NRXN3: variants seen among roughly 807,000 people sequenced by gnomAD.
The protein encoded by NRXN3 is neurexin 3.
A neutral mutation model predicts 137.6 loss-of-function variants in NRXN3; 32 were observed. That is an observed-to-expected ratio of 0.23 (90% CI 0.18 to 0.31). NRXN3 has a LOEUF of 0.31. Ranked by LOEUF, NRXN3 falls within the 10% of genes least tolerant of loss-of-function variation. The pLI, the probability that NRXN3 is intolerant of heterozygous loss-of-function variation, is 1.00. For synonymous variants in NRXN3, 798 were observed against 784.5 expected, an observed-to-expected ratio of 1.02 and a Z score of -0.29; for missense variants, 1,574 against 2,062.5, an observed-to-expected ratio of 0.76 and a Z score of 4.59.
At chr14:78,358,910 C>T (rs528299973) in intron 4 of NRXN3, among the ~76,000 whole-genome samples, 4 of 152,220 alleles carry the variant, frequency 2.6e-5, no homozygotes, top group East Asian at 1.9e-4. Context: ...GAAGGGGCCT[C>T]GCAGGAATTT....
intron 16 of NRXN3, among the ~76,000 whole-genome samples, chr14:79,584,783 T>C (rs561064644): frequency 1.4e-3 from 208 of 152,154 alleles, no homozygotes; most frequent in African/African-American, 4.8e-3. Flanking sequence ...CTCACTGAGA[T>C]TGTGCACAGC....
chr14:78,837,558 C>A (rs1358446016), intron 10 of NRXN3, among the ~76,000 whole-genome samples: 2 of 150,624 alleles, frequency 1.3e-5, no homozygotes, highest in Non-Finnish European at 3.0e-5. Flanking sequence ...TGGTACTTTT[C>A]TCTGATCCTT....
At chr14:79,553,798 C>T (rs757692596) in intron 16 of NRXN3, among the ~76,000 whole-genome samples, 1 of 152,120 alleles carries the variant, frequency 6.6e-6, no homozygotes, top group Non-Finnish European at 1.5e-5. Context: ...CATTGGTTAG[C>T]CCCCTAGACT....
At chr14:78,572,612 G>T (rs2096900234) in intron 4 of NRXN3, among the ~76,000 whole-genome samples, 1 of 152,124 alleles carries the variant, frequency 6.6e-6, no homozygotes, top group South Asian at 2.1e-4. Flanking sequence ...ATTGTCTTAG[G>T]CCACACATAT....
At chr14:79,170,588 A>G (rs1182198617) in intron 15 of NRXN3, among the ~76,000 whole-genome samples, 1 of 152,104 alleles carries the variant, frequency 6.6e-6, no homozygotes, top group Non-Finnish European at 1.5e-5. Context: ...CGTGGGCAAA[A>G]GTACAGGGAA....
intron 15 of NRXN3, among the ~76,000 whole-genome samples, chr14:79,449,430 G>C (rs2096126267): frequency 6.7e-6 from 1 of 150,182 alleles, no homozygotes; most frequent in Non-Finnish European, 1.5e-5. Flanking sequence ...ATAGGATCTG[G>C]AAAAAAAAAT....
chr14:79,510,230 T>C (rs533863648), intron 16 of NRXN3, among the ~76,000 whole-genome samples: 20 of 152,316 alleles, frequency 1.3e-4, no homozygotes, highest in Admixed American at 5.9e-4. Context: ...CTAGGGGTTC[T>C]CGGGATTCGT....
chr14:78,824,103 CTTTTTTTTTTT>C (rs11387026), intron 10 of NRXN3, among the ~76,000 whole-genome samples: 33 of 98,928 alleles, frequency 3.3e-4, no homozygotes, highest in Admixed American at 4.8e-4. Context: ...TCACCTGCTT[CTTTTTTTTTTT>C]TTTTTTTTTT....
intron 4 of NRXN3, among the ~76,000 whole-genome samples, chr14:78,639,130 C>A (rs72683569): frequency 0.059 from 8,996 of 152,256 alleles, 346 homozygotes; most frequent in Admixed American, 0.12. Flanking sequence ...GGCCACAAGA[C>A]CACAGGCCAT....
intron 10 of NRXN3, among the ~76,000 whole-genome samples, chr14:78,906,735 CTGTT>C (rs2099218109): frequency 6.6e-6 from 1 of 152,010 alleles, no homozygotes; most frequent in Admixed American, 6.6e-5. Flanking sequence ...TTCATTTTCT[CTGTT>C]TGGTTTCTTC....
chr14:78,285,649 C>T (rs1260295427), intron 3 of NRXN3, among the ~76,000 whole-genome samples: 1 of 152,196 alleles, frequency 6.6e-6, no homozygotes, highest in Non-Finnish European at 1.5e-5. Flanking sequence ...ACATTGCAGG[C>T]ACAGAAAAAC....
intron 1 of NRXN3, among the ~76,000 whole-genome samples, chr14:78,198,813 T>C (rs973105393): frequency 1.3e-5 from 2 of 152,238 alleles, no homozygotes; most frequent in African/African-American, 4.8e-5. Context: ...TTTTGAGTTG[T>C]GTTTCCTTCC....
At chr14:79,322,565 T>G (rs2090204638) in intron 15 of NRXN3, among the ~76,000 whole-genome samples, 1 of 152,212 alleles carries the variant, frequency 6.6e-6, no homozygotes. Context: ...TAAAGTATAT[T>G]CAATTAATTT....
In NRXN3 at chr14:78,584,701, C is replaced by T. The variant is rs116885971; in HGVS notation, c.758-60419C>T. Among the ~76,000 whole-genome samples the T allele has an allele frequency of 6.3e-3, 962 of 152,336 alleles. 11 individuals carry two copies. Among genetic ancestry groups the T allele is most frequent in the Middle Eastern group, 0.044 (13 of 294 alleles). On this transcript the variant is annotated intron_variant, in intron 4 of 20. Coordinates refer to ENST00000335750, the MANE Select transcript of NRXN3 (RefSeq NM_001330195.2). ...AATAACTTTGTAACATAACCTCCTT[C>T]TCCTTAGAAACAATTATTGGAGGAA...
At chr14:78,919,258 A>G (rs1433299183) in intron 10 of NRXN3, among the ~76,000 whole-genome samples, 1 of 152,210 alleles carries the variant, frequency 6.6e-6, no homozygotes, top group East Asian at 1.9e-4. Flanking sequence ...TAATTACCTG[A>G]GTATGGTGTT....
chr14:78,759,496 C>G (rs368838657), intron 8 of NRXN3, among the ~76,000 whole-genome samples: 1 of 152,104 alleles, frequency 6.6e-6, no homozygotes, highest in Non-Finnish European at 1.5e-5. Flanking sequence ...ATAAATATAT[C>G]GCTGAGTTCT....
At chr14:79,459,509 G>A (rs1471640140) in intron 15 of NRXN3, among the ~76,000 whole-genome samples, 1 of 152,004 alleles carries the variant, frequency 6.6e-6, no homozygotes, top group Non-Finnish European at 1.5e-5. Flanking sequence ...CAATAGAGAA[G>A]CTGTAGAAAA....
chr14:78,185,164 T>C (rs2060131610), intron 1 of NRXN3, among the ~76,000 whole-genome samples: 1 of 152,194 alleles, frequency 6.6e-6, no homozygotes, highest in Non-Finnish European at 1.5e-5. Flanking sequence ...AGAGTAATGG[T>C]TGACATTCTT....
intron 15 of NRXN3, among the ~76,000 whole-genome samples, chr14:79,121,182 G>C (rs947984198): frequency 6.6e-6 from 1 of 152,196 alleles, no homozygotes; most frequent in Non-Finnish European, 1.5e-5. Flanking sequence ...AAGAACATTT[G>C]ATCCACAAGT....
Sources: allele counts gnomAD v4.1 joint callset (sites outside exome capture counted in the v4.1 genomes callset), GRCh38; gene constraint gnomAD v4.1.1; transcripts MANE v1.5; gene names NCBI Gene and HGNC (gene_info 2026-07-23, HGNC 2026-07-21).